CCDC91: variants seen among roughly 807,000 people sequenced by gnomAD.
CCDC91 encodes coiled-coil domain-containing protein 91.
A neutral mutation model predicts 63.2 loss-of-function variants in CCDC91; 48 were observed. The ratio of observed to expected loss-of-function variants is 0.76; its 90% confidence interval spans 0.60 to 0.97. CCDC91 has a LOEUF of 0.97. Among genes scored for constraint, CCDC91 ranks in the 50% least tolerant of loss-of-function variants. The probability of loss-of-function intolerance (pLI) is 0.00; values close to 1 mark genes in which losing one functional copy is unlikely to be tolerated. For synonymous variants in CCDC91, 167 were observed against 165.8 expected (o/e 1.01, Z -0.06); for missense variants, 500 against 494.6 (o/e 1.01, Z -0.10).
intron 7 of CCDC91, among the ~76,000 whole-genome samples, chr12:28,390,151 G>A (rs1268706629): frequency 1.3e-5 from 2 of 149,356 alleles, no homozygotes; most frequent in Non-Finnish European, 2.9e-5. Flanking sequence ...AAGAAAGTTA[G>A]TTTGAAAATT....
chr12:28,338,871 C>G (rs953780446), intron 6 of CCDC91, among the ~76,000 whole-genome samples: 1 of 151,968 alleles, frequency 6.6e-6, no homozygotes, highest in Admixed American at 6.6e-5. Context: ...GACGGACTCT[C>G]GCTCTGTCGC....
At chr12:28,486,940 A>T (rs1951757233) in intron 12 of CCDC91, among the ~76,000 whole-genome samples, 1 of 152,024 alleles carries the variant, frequency 6.6e-6, no homozygotes, top group Admixed American at 6.6e-5. Flanking sequence ...ATGTAATAAA[A>T]TAGCAGCTAC....
chr12:28,441,078 A>AG lies in CCDC91; in HGVS notation c.763-9083_763-9082insG, dbSNP rs1949174829. ...ATCTCAAAAAAAAAAAAAAAAAAAA[A>AG]AAAAAAGAAAAGAAAAAGAAAGAAC... is the stretch of plus-strand genomic sequence containing the variant. On this transcript the variant is annotated intron_variant, in intron 8 of 12. Transcript: ENST00000536442. Among the ~76,000 whole-genome samples the AG allele has an allele frequency of 2.6e-4, 6 of 22,650 alleles. 1 individual carries two copies. Among genetic ancestry groups the AG allele is most frequent in the Admixed American group, 1.4e-3 (4 of 2,830 alleles). 14.9% of individuals were successfully genotyped at this position (22,650 alleles called of 152,430 possible).
chr12:28,229,373 G>A (rs2135787757), intron 1 of CCDC91, among the ~76,000 whole-genome samples: 1 of 152,198 alleles, frequency 6.6e-6, no homozygotes, highest in South Asian at 2.1e-4. Flanking sequence ...ATACAGCAGA[G>A]AGCATAAAAA....
intron 3 of CCDC91, among the ~76,000 whole-genome samples, chr12:28,298,918 T>G (rs1937737051): frequency 6.6e-6 from 1 of 151,464 alleles, no homozygotes; most frequent in Non-Finnish European, 1.5e-5. Context: ...ATATCTGTAG[T>G]TTCTTTATTT....
chr12:28,263,902 A>G (rs1205122656), intron 3 of CCDC91, among the ~76,000 whole-genome samples: 2 of 151,960 alleles, frequency 1.3e-5, no homozygotes, highest in African/African-American at 2.4e-5. Flanking sequence ...TTCTATCATA[A>G]GTTGAAAGAA....
At position 28,531,065 on chromosome 12, in the gene CCDC91, A is replaced by C. The variant is rs147315362; in HGVS notation, c.1216-17998A>C. ...CTCAGGTAGTCCATTATAGCAACACAAAACGGACTAGGACATTGAGATTCT... is the reference window on the plus strand; with the variant it reads ...CTCAGGTAGTCCATTATAGCAACACCAAACGGACTAGGACATTGAGATTCT... On this transcript the variant is annotated intron_variant, in intron 12 of 12. Coordinates refer to ENST00000536442, the MANE Select transcript of CCDC91 (RefSeq NM_018318.5). 1.3e-5 allele frequency among the ~76,000 whole-genome samples: 2 copies of C among 152,254 alleles called. 1 individual carries two copies. Among genetic ancestry groups the C allele is most frequent in the African/African-American group, 4.8e-5 (2 of 41,550 alleles).
intron 11 of CCDC91, among the ~76,000 whole-genome samples, chr12:28,460,481 T>C (rs1950250892): frequency 6.6e-6 from 1 of 152,138 alleles, no homozygotes; most frequent in Non-Finnish European, 1.5e-5. Flanking sequence ...TTTAAAAATG[T>C]ATGAGGCCCA....
intron 11 of CCDC91, among the ~76,000 whole-genome samples, chr12:28,453,293 A>G (rs578213699): frequency 1.3e-5 from 2 of 152,128 alleles, no homozygotes; most frequent in East Asian, 3.9e-4. Flanking sequence ...TTATATATAT[A>G]TAGGCAGAAG....
At chr12:28,457,226 G>C (rs1349023839) in intron 11 of CCDC91, among the ~76,000 whole-genome samples, 1 of 151,858 alleles carries the variant, frequency 6.6e-6, no homozygotes, top group Non-Finnish European at 1.5e-5. Flanking sequence ...CTGTCTTTTA[G>C]GTGTTTGGCA....
intron 1 of CCDC91, among the ~76,000 whole-genome samples, chr12:28,252,013 C>CA (rs1330021952): frequency 6.6e-6 from 1 of 152,136 alleles, no homozygotes. Flanking sequence ...CAGGTGTGAA[C>CA]ATGACTTTAT....
intron 6 of CCDC91, among the ~76,000 whole-genome samples, chr12:28,340,907 A>T (rs778332906): frequency 1.3e-5 from 2 of 152,126 alleles, no homozygotes. Flanking sequence ...ATTGGATCCC[A>T]TGTGGGCTTG....
chr12:28,359,789 C>CTTTTTTTTTTTTTTTTTTTTTTTTTTTTT (rs1565853581), intron 6 of CCDC91, among the ~76,000 whole-genome samples: 4 of 150,394 alleles, frequency 2.7e-5, no homozygotes, highest in African/African-American at 1.0e-4. Flanking sequence ...TTTCTATTTA[C>CTTTTTTTTTTTTTTTTTTTTTTTTTTTTT]TTTTAAAATC....
chr12:28,503,289 C>A (rs2141167610), intron 12 of CCDC91, among the ~76,000 whole-genome samples: 1 of 152,304 alleles, frequency 6.6e-6, no homozygotes, highest in Non-Finnish European at 1.5e-5. Context: ...TGAACAGTCA[C>A]TTCTCAAAAG....
At chr12:28,448,486 C>T (rs552623041) in intron 8 of CCDC91, among the ~76,000 whole-genome samples, 2 of 152,248 alleles carry the variant, frequency 1.3e-5, no homozygotes, top group South Asian at 4.1e-4. Flanking sequence ...TTGTAGGATA[C>T]TGTCAGAATT....
rs74072629 is a variant in CCDC91, at chr12:28,491,992, G to T, written c.1215+7827G>T. Among the ~76,000 whole-genome samples the T allele has an allele frequency of 5.8e-3, 873 of 150,702 alleles. 8 individuals are homozygous for T. In the Middle Eastern group the frequency reaches 0.058, roughly 10 times the overall value. On this transcript the variant is annotated intron_variant, in intron 12 of 12. Transcript: ENST00000536442. Reference sequence around the variant, plus strand: ...GTGTGTGTGTGTGTGTCTGTTTGAAGGACCTCTATTTGTGAGCCGTTTATT... The same window carrying T: ...GTGTGTGTGTGTGTGTCTGTTTGAATGACCTCTATTTGTGAGCCGTTTATT...
At chr12:28,427,149 A>G (rs1039695527) in intron 8 of CCDC91, among the ~76,000 whole-genome samples, 3 of 152,172 alleles carry the variant, frequency 2.0e-5, no homozygotes, top group African/African-American at 7.2e-5. Context: ...GAAGCATTCC[A>G]TAACATTATG....
At chr12:28,515,105 C>T (rs972272891) in intron 12 of CCDC91, among the ~76,000 whole-genome samples, 8 of 151,586 alleles carry the variant, frequency 5.3e-5, no homozygotes, top group African/African-American at 1.7e-4. Context: ...TCTTCCCCAC[C>T]CCCAAGAAAA....
chr12:28,517,151 T>G (rs1940039070), intron 12 of CCDC91, among the ~76,000 whole-genome samples: 1 of 152,000 alleles, frequency 6.6e-6, no homozygotes, highest in African/African-American at 2.4e-5. Flanking sequence ...AGTTTTTCTT[T>G]GTTTTACTTC....
Sources: gnomAD v4.1 joint callset for allele counts (sites outside exome capture counted in the v4.1 genomes callset) on GRCh38, gnomAD v4.1.1 for gene constraint, MANE v1.5 for transcripts, NCBI Gene and HGNC (gene_info 2026-07-23, HGNC 2026-07-21) for gene names.